Variants in NBEAL1 observed in about 807,000 individuals in gnomAD.
The protein encoded by NBEAL1 is neurobeachin-like protein 1.
In NBEAL1, 273 loss-of-function variants were observed where a neutral mutation model predicts 351.3. That is an observed-to-expected ratio of 0.78 (90% CI 0.70 to 0.86). The LOEUF (loss-of-function observed/expected upper bound fraction) is 0.86. Ranked by LOEUF, NBEAL1 falls within the 40% of genes least tolerant of loss-of-function variation. The pLI is 0.00. For missense variants in NBEAL1, 2,961 were observed against 3,201.3 expected (o/e 0.92, Z 1.81); for synonymous variants, 1,050 against 1,086.4 (o/e 0.97, Z 0.66).
chr2:203,161,279 A>G (rs1299273137), intron 36 of NBEAL1, among the ~76,000 whole-genome samples: 3 of 144,322 alleles, frequency 2.1e-5, no homozygotes, highest in Non-Finnish European at 4.5e-5. Flanking sequence ...GTGAGCCGAG[A>G]TTGCGCCACT....
chr2:203,063,968 T>C (rs898383615), intron 6 of NBEAL1, among the ~76,000 whole-genome samples: 1 of 152,176 alleles, frequency 6.6e-6, no homozygotes, highest in African/African-American at 2.4e-5. Context: ...CACATCATTG[T>C]AAGATTGGAT....
intron 6 of NBEAL1, among the ~76,000 whole-genome samples, chr2:203,066,036 G>A (rs183724281): frequency 1.3e-5 from 2 of 152,272 alleles, no homozygotes; most frequent in East Asian, 1.9e-4. Flanking sequence ...ATATGTAATA[G>A]TTCTCACCCC....
intron 45 of NBEAL1, among the ~76,000 whole-genome samples, chr2:203,189,640 G>A (rs997100563): frequency 6.6e-6 from 1 of 151,974 alleles, no homozygotes; most frequent in Non-Finnish European, 1.5e-5. Flanking sequence ...TCCCGCCTCA[G>A]CCTCCCAAAG....
intron 2 of NBEAL1, among the ~76,000 whole-genome samples, chr2:203,034,125 G>A (rs559875352): frequency 1.3e-5 from 2 of 150,892 alleles, no homozygotes; most frequent in Non-Finnish European, 3.0e-5. Context: ...TCATGGTCTA[G>A]CATGGTCCCT....
Position 203,093,704 on chromosome 2 carries a change from A to C in NBEAL1, c.1099-3843A>C, listed in dbSNP as rs557601719. Among the ~76,000 whole-genome samples the C allele has an allele frequency of 4.6e-5, 7 of 152,278 alleles. No homozygotes were observed. In the East Asian group the frequency reaches 1.4e-3, roughly 29 times the overall value. Reference sequence around the variant, plus strand: ...CCCCGTCTCTACTAAAAATACAAAAATTAGCTGGGCATGGTGGCACACCTC... The same window carrying C: ...CCCCGTCTCTACTAAAAATACAAAACTTAGCTGGGCATGGTGGCACACCTC... On this transcript the variant is annotated intron_variant, in intron 10 of 55. Transcript: ENST00000683969.
chr2:203,096,713 T>C (rs1395795223), intron 10 of NBEAL1, among the ~76,000 whole-genome samples: 1 of 152,214 alleles, frequency 6.6e-6, no homozygotes, highest in Non-Finnish European at 1.5e-5. Flanking sequence ...TTTAACAAAA[T>C]GTGTGGTCAG....
intron 51 of NBEAL1, 137 bp downstream of exon 51, chr2:203,202,918 C>A: frequency 1.7e-6 from 1 of 601,514 alleles, no homozygotes; most frequent in Non-Finnish European, 3.0e-6. Flanking sequence ...CACATTTTGT[C>A]CTGTTCAAAT....
intron 27 of NBEAL1, among the ~76,000 whole-genome samples, chr2:203,134,336 A>G (rs1171782921): frequency 6.6e-6 from 1 of 152,212 alleles, no homozygotes; most frequent in Non-Finnish European, 1.5e-5. Flanking sequence ...AGTCAGCATG[A>G]AAAGTTTCTT....
At chr2:203,172,384 G>A (rs1165472023) in intron 40 of NBEAL1, among the ~76,000 whole-genome samples, 2 of 152,014 alleles carry the variant, frequency 1.3e-5, no homozygotes, top group African/African-American at 2.4e-5. Context: ...ATCTGGGCGT[G>A]GTGGTGCACA....
rs747318910 is a variant in NBEAL1 at position 203,077,886 on chromosome 2, A to G, written c.684+49A>G. 10 of 1,038,754 alleles carry G rather than the reference A, an allele frequency of 9.6e-6. No individual in the cohort carries two copies. In the Admixed American group the frequency reaches 2.6e-4, roughly 27 times the overall value. The allele number at this position is 1,038,754 out of a possible 1,614,324, so 64.3% of individuals were successfully genotyped here. On this transcript the variant is annotated intron_variant, in intron 8 of 55. Coordinates refer to ENST00000683969, the MANE Select transcript of NBEAL1 (RefSeq NM_001378026.1). ...TAAATAAAATTATAATTAACAGTGC[A>G]AAAAGCTTTCCATAGATTTAGTATG...
chr2:203,043,768 G>T (rs2061183225), intron 3 of NBEAL1, among the ~76,000 whole-genome samples: 2 of 151,618 alleles, frequency 1.3e-5, no homozygotes, highest in Admixed American at 6.6e-5. Context: ...GAGAAGGGAG[G>T]AATGGATGGT....
intron 18 of NBEAL1, among the ~76,000 whole-genome samples, chr2:203,117,926 C>G (rs556661778): frequency 2.0e-5 from 3 of 151,914 alleles, no homozygotes; most frequent in Non-Finnish European, 4.4e-5. Context: ...TGGGCTCAAG[C>G]AATTCTTCCA....
chr2:203,021,317 GGT>G (rs2060768697), intron 2 of NBEAL1, among the ~76,000 whole-genome samples: 1 of 152,008 alleles, frequency 6.6e-6, no homozygotes, highest in Non-Finnish European at 1.5e-5. Flanking sequence ...TTTCAGGGCA[GGT>G]GTGGTGGCTC....
chr2:203,138,420 C>T (rs1415856473), intron 30 of NBEAL1, 105 bp downstream of exon 30: 21 of 1,142,392 alleles, frequency 1.8e-5, no homozygotes, highest in East Asian at 2.5e-5. Context: ...TAATCAGATT[C>T]AATAAACAAG....
intron 2 of NBEAL1, among the ~76,000 whole-genome samples, chr2:203,030,232 T>A (rs2060928313): frequency 6.6e-6 from 1 of 152,130 alleles, no homozygotes; most frequent in Non-Finnish European, 1.5e-5. Context: ...TTAAGAAACA[T>A]CTTAAAAGCA....
intron 6 of NBEAL1, among the ~76,000 whole-genome samples, chr2:203,060,349 C>CA (rs1193100859): frequency 6.6e-6 from 1 of 151,586 alleles, no homozygotes; most frequent in African/African-American, 2.4e-5. Context: ...ATTATTACAC[C>CA]AAAAAAGAGT....
chr2:203,194,764 C>T (rs1428006441), intron 47 of NBEAL1, among the ~76,000 whole-genome samples: 2 of 152,146 alleles, frequency 1.3e-5, no homozygotes, highest in African/African-American at 4.8e-5. Flanking sequence ...GGCTTTGTCC[C>T]ACAGGCTGTA....
chr2:203,188,120 A>G (rs1356136951), intron 44 of NBEAL1, among the ~76,000 whole-genome samples: 1 of 152,066 alleles, frequency 6.6e-6, no homozygotes, highest in African/African-American at 2.4e-5. Context: ...TTGAATTTCT[A>G]GACAACTATT....
At chr2:203,123,937 A>T (rs1456927800) in intron 19 of NBEAL1, among the ~76,000 whole-genome samples, 7 of 151,006 alleles carry the variant, frequency 4.6e-5, no homozygotes, top group Non-Finnish European at 7.4e-5. Flanking sequence ...AAGACCAAAA[A>T]AGTTAAATGA....
Sources: gnomAD v4.1 joint callset for allele counts (sites outside exome capture counted in the v4.1 genomes callset) on GRCh38, gnomAD v4.1.1 for gene constraint, MANE v1.5 for transcripts, NCBI Gene and HGNC (gene_info 2026-07-23, HGNC 2026-07-21) for gene names.